The following ATP10B variants were observed in gnomAD, a reference collection of about 807,000 sequenced individuals.
ATP10B encodes the protein ATPase phospholipid transporting 10B (putative).
Under a neutral mutation model 141.2 loss-of-function variants are expected in ATP10B, and 122 were observed. The observed-to-expected ratio is 0.86, with a 90% CI of 0.75 to 1.00. The LOEUF is 1.00. ATP10B is among the 50% of genes least tolerant of loss of function. ATP10B has a pLI of 0.00. For synonymous variants in ATP10B, 685 were observed against 692.0 expected (o/e 0.99, Z 0.16); for missense variants, 1,876 against 1,825.3 (o/e 1.03, Z -0.51).
chr5:160,688,591 A>T (rs1433298795), intron 4 of ATP10B, among the ~76,000 whole-genome samples, 169 bp downstream of exon 4: 1 of 152,236 alleles, frequency 6.6e-6, no homozygotes, highest in Non-Finnish European at 1.5e-5. Context: ...TGAAATCAGG[A>T]ACACTATTCT....
chr5:160,715,699 T>TATTTA (rs1268123912), intron 3 of ATP10B, among the ~76,000 whole-genome samples: 8 of 149,690 alleles, frequency 5.3e-5, no homozygotes, highest in African/African-American at 2.0e-4. Context: ...TTTATTTATT[T>TATTTA]ATTTATTTAT....
At chr5:160,598,413 G>T (rs1756873874) in intron 22 of ATP10B, among the ~76,000 whole-genome samples, 1 of 151,954 alleles carries the variant, frequency 6.6e-6, no homozygotes, top group Admixed American at 6.6e-5. Flanking sequence ...GGGAGGGATA[G>T]CATTAGGAGA....
intron 7 of ATP10B, among the ~76,000 whole-genome samples, chr5:160,653,781 CAT>C (rs200370400): frequency 1.9e-4 from 21 of 112,852 alleles, no homozygotes; most frequent in Admixed American, 1.1e-3. Flanking sequence ...TACATATATA[CAT>C]ATATATTATA....
At chr5:160,663,165 A>C (rs1397652139) in intron 7 of ATP10B, among the ~76,000 whole-genome samples, 1 of 152,134 alleles carries the variant, frequency 6.6e-6, no homozygotes, top group African/African-American at 2.4e-5. Context: ...ATGTGGAGAA[A>C]TAGGAACACT....
Position 160,688,107 on chromosome 5 carries a change from A to C in ATP10B, c.-20-13T>G. 6 of 1,599,764 alleles carry C rather than the reference A, an allele frequency of 3.8e-6. No homozygotes were observed. The highest frequency in any genetic ancestry group is 5.1e-6 in the Non-Finnish European group (6 of 1,172,980). On this transcript the variant is annotated splice_polypyrimidine_tract_variant and intron_variant, in intron 4 of 25. Transcript: ENST00000327245. ...AGCAGGCGAAGATCTGAAAACAGACACAGGAGGAGCTATGTTTAGGAGAAA... is the reference window on the plus strand; with the variant it reads ...AGCAGGCGAAGATCTGAAAACAGACCCAGGAGGAGCTATGTTTAGGAGAAA...
At chr5:160,640,437 T>C in intron 10 of ATP10B, 24 bp downstream of exon 10, 1 of 1,612,004 alleles carries the variant, frequency 6.2e-7, no homozygotes, top group East Asian at 2.2e-5. Context: ...ACTGTGTCCT[T>C]GTTCTTTCCA....
At chr5:160,612,695 T>A in intron 18 of ATP10B, 46 bp downstream of exon 18, 3 of 1,546,978 alleles carry the variant, frequency 1.9e-6, no homozygotes, top group Non-Finnish European at 8.8e-7. Context: ...GAGGGGTTGC[T>A]CTACACGTTG....
chr5:160,620,152 G>A (rs923967937), intron 15 of ATP10B, among the ~76,000 whole-genome samples, 195 bp downstream of exon 15: 1 of 152,208 alleles, frequency 6.6e-6, no homozygotes, highest in Non-Finnish European at 1.5e-5. Context: ...TGGACACTGT[G>A]ATTCCCTAGG....
At chr5:160,763,546 C>T (rs67880858) in intron 2 of ATP10B, among the ~76,000 whole-genome samples, 79 of 151,934 alleles carry the variant, frequency 5.2e-4, no homozygotes, top group African/African-American at 1.7e-3. Context: ...CAAAACCTCT[C>T]GGATACAGCA....
At chr5:160,604,746 T>A (rs73304691) in intron 19 of ATP10B, among the ~76,000 whole-genome samples, 3,311 of 152,294 alleles carry the variant, frequency 0.022, 113 homozygotes, top group African/African-American at 0.073. Context: ...GGTCTCCTTC[T>A]ATACCAAGAC....
chr5:160,571,425 T>G (rs1204541630), intron 24 of ATP10B, among the ~76,000 whole-genome samples: 1 of 152,236 alleles, frequency 6.6e-6, no homozygotes, highest in Non-Finnish European at 1.5e-5. Context: ...TTATATAGTT[T>G]ACCAATCCCT....
intron 24 of ATP10B, among the ~76,000 whole-genome samples, chr5:160,588,479 C>T (rs915576578): frequency 1.3e-5 from 2 of 152,134 alleles, no homozygotes; most frequent in Non-Finnish European, 2.9e-5. Context: ...ATTTTTAATG[C>T]TTGTACTTCC....
At position 160,632,650 on chromosome 5, in the gene ATP10B, T is replaced by C. The variant is rs1759023562; in HGVS notation, c.1382-283A>G. On this transcript the variant is annotated intron_variant, in intron 12 of 25. Transcript: ENST00000327245. Reference sequence around the variant, plus strand: ...TTTTTTTTTTTTTTTTTTAGGTTTCTAACTCATAGGGATGTTTTGAAGATT... The same window carrying C: ...TTTTTTTTTTTTTTTTTTAGGTTTCCAACTCATAGGGATGTTTTGAAGATT... 2.2e-5 allele frequency: 6 copies of C among 277,476 alleles called. No individual in the cohort carries two copies. In the South Asian group the frequency reaches 3.2e-4, roughly 15 times the overall value. 17.2% of individuals were successfully genotyped at this position (277,476 alleles called of 1,614,324 possible).
intron 6 of ATP10B, among the ~76,000 whole-genome samples, chr5:160,684,203 C>T (rs533810104): frequency 6.6e-5 from 10 of 152,272 alleles, no homozygotes; most frequent in African/African-American, 2.4e-4. Context: ...ATGAAGGAAA[C>T]GTTGGGTTTG....
rs374026128 is a variant in ATP10B at position 160,644,221 on chromosome 5, G to A, written c.785C>T (p.Thr262Ile). The change falls in exon 9 of 26, where the codon ACT (threonine) becomes ATT (isoleucine). Residue 262 changes from threonine to isoleucine, a missense_variant. Transcript: ENST00000327245. ...CAGAAGACTCTCACAGCCAAAGCCA[G>A]TCCTGGTCTGGTCAGGATGCTCCCT... ...GYMEHPDQTR[T>I]GFGCESLLLR... The A allele has an allele frequency of 6.2e-7, 1 of 1,613,998 alleles. No homozygotes were observed. Among genetic ancestry groups the A allele is most frequent in the East Asian group, 2.2e-5 (1 of 44,872 alleles).
chr5:160,630,916 C>A (rs2127660904), intron 13 of ATP10B, among the ~76,000 whole-genome samples: 1 of 152,262 alleles, frequency 6.6e-6, no homozygotes, highest in South Asian at 2.1e-4. Context: ...TTCTTTGTCA[C>A]AGTCAGAAAA....
the ATP10B span, among the ~76,000 whole-genome samples, chr5:160,888,657 A>G: frequency 6.6e-6 from 1 of 152,200 alleles, no homozygotes; most frequent in African/African-American, 2.4e-5. Flanking sequence ...AAGCAATTCC[A>G]TGTTCCCTTC....
chr5:160,859,640 G>C, the ATP10B span, among the ~76,000 whole-genome samples: 1 of 151,732 alleles, frequency 6.6e-6, no homozygotes, highest in Non-Finnish European at 1.5e-5. Context: ...GTAAAAAACA[G>C]AAAGCAAAAA....
the ATP10B span, among the ~76,000 whole-genome samples, chr5:160,913,829 C>T: frequency 6.6e-6 from 1 of 152,162 alleles, no homozygotes; most frequent in Non-Finnish European, 1.5e-5. Flanking sequence ...TGAAAATACC[C>T]AGTCCAATCT....
Sources: allele counts gnomAD v4.1 joint callset (sites outside exome capture counted in the v4.1 genomes callset), GRCh38; gene constraint gnomAD v4.1.1; transcripts MANE v1.5; gene names NCBI Gene and HGNC (gene_info 2026-07-23, HGNC 2026-07-21).